The following FAM168A variants were observed in gnomAD, a reference collection of about 807,000 sequenced individuals.
FAM168A encodes the protein family with sequence similarity 168 member A.
Under a neutral mutation model 28.5 loss-of-function variants are expected in FAM168A, and 3 were observed. The ratio of observed to expected loss-of-function variants is 0.11; its 90% CI spans 0.05 to 0.27. FAM168A has a LOEUF of 0.27. Ranked by LOEUF, FAM168A falls within the 10% of genes least tolerant of loss-of-function variation. FAM168A has a pLI of 1.00. For synonymous variants in FAM168A, 122 were observed against 124.2 expected (o/e 0.98, Z 0.12); for missense variants, 222 against 311.5 (o/e 0.71, Z 2.16).
intron 1 of FAM168A, among the ~76,000 whole-genome samples, chr11:73,571,305 G>A (rs1944086019): frequency 7.0e-6 from 1 of 141,962 alleles, no homozygotes; most frequent in African/African-American, 2.6e-5. Context: ...AGCCGAAGCT[G>A]GACTGTACTG....
intron 1 of FAM168A, chr11:73,510,599 G>A (rs914499531): frequency 3.8e-6 from 1 of 263,452 alleles, no homozygotes; most frequent in African/African-American, 2.2e-5. Flanking sequence ...TCTCAGCTTT[G>A]ATATTCTGTG....
intron 2 of FAM168A, among the ~76,000 whole-genome samples, chr11:73,467,314 T>C (rs747056573): frequency 2.0e-5 from 3 of 151,306 alleles, no homozygotes; most frequent in Non-Finnish European, 4.4e-5. Flanking sequence ...TAGTATGAAA[T>C]AGATAATATT....
At chr11:73,453,603 C>G (rs562203252) in intron 2 of FAM168A, among the ~76,000 whole-genome samples, 1 of 152,124 alleles carries the variant, frequency 6.6e-6, no homozygotes, top group Non-Finnish European at 1.5e-5. Context: ...TAAAGTCTCA[C>G]GAATAAGTGA....
intron 3 of FAM168A, among the ~76,000 whole-genome samples, chr11:73,421,365 T>G (rs1418757236): frequency 6.6e-6 from 1 of 152,204 alleles, no homozygotes; most frequent in African/African-American, 2.4e-5. Context: ...AAGGCTAGAA[T>G]TATGGCTATT....
rs540717298 is a variant in FAM168A, at chr11:73,441,873, G to A, written c.71-11103C>T. On this transcript the variant is annotated intron_variant, in intron 2 of 7. Transcript: ENST00000356467. ...TAGTAATGTCCTCTGTATCATTCTT[G>A]ATTTTAGTAATTGGAGACTTCTCTC... Among the ~76,000 whole-genome samples the A allele has an allele frequency of 5.3e-5, 8 of 152,182 alleles. No homozygotes were observed. In the East Asian group the frequency reaches 1.5e-3, roughly 29 times the overall value.
At chr11:73,544,817 A>AATT (rs1565291479) in intron 1 of FAM168A, among the ~76,000 whole-genome samples, 17 of 101,122 alleles carry the variant, frequency 1.7e-4, no homozygotes, top group African/African-American at 7.4e-4. Context: ...TATCATATAT[A>AATT]ATAAATTTAT....
rs139671937 is a variant in FAM168A at position 73,546,102 on chromosome 11, T to C, written c.-19+51821A>G. Among the ~76,000 whole-genome samples, 7 of 152,326 alleles carry C rather than the reference T, an allele frequency of 4.6e-5. No individual in the cohort carries two copies. The East Asian group carries it at 1.3e-3, about 29-fold the overall frequency. ...GCTGTAGTTCTTTTTTTATAAAAGC[T>C]TCTATGGATTAATAAACCAAAGACT... is the stretch of plus-strand genomic sequence containing the variant. On this transcript the variant is annotated intron_variant, in intron 1 of 7. Coordinates refer to ENST00000356467, the MANE Select transcript of FAM168A (RefSeq NM_015159.3).
chr11:73,446,530 G>A (rs1378630583), intron 2 of FAM168A, among the ~76,000 whole-genome samples: 2 of 152,286 alleles, frequency 1.3e-5, no homozygotes, highest in East Asian at 1.9e-4. Flanking sequence ...TCTGGCCTCA[G>A]TACCCCCAAG....
At chr11:73,450,075 A>C (rs948819384) in intron 2 of FAM168A, among the ~76,000 whole-genome samples, 2 of 152,240 alleles carry the variant, frequency 1.3e-5, no homozygotes, top group African/African-American at 2.4e-5. Flanking sequence ...AAAATGTGCA[A>C]GGGAAAAGAA....
chr11:73,466,095 G>A (rs1300755931), intron 2 of FAM168A, among the ~76,000 whole-genome samples: 1 of 152,094 alleles, frequency 6.6e-6, no homozygotes, highest in African/African-American at 2.4e-5. Context: ...AACCAGGAGT[G>A]TTTCCAACTC....
chr11:73,543,360 T>C (rs1300471302), intron 1 of FAM168A, among the ~76,000 whole-genome samples: 1 of 148,734 alleles, frequency 6.7e-6, no homozygotes, highest in Non-Finnish European at 1.5e-5. Flanking sequence ...GCCTCCCAGG[T>C]TCAAGCAATT....
chr11:73,407,869 C>T (rs1362644571), intron 6 of FAM168A, among the ~76,000 whole-genome samples: 3 of 152,122 alleles, frequency 2.0e-5, no homozygotes, highest in Non-Finnish European at 4.4e-5. Context: ...TATTCTAAGT[C>T]CTCCTTTTCC....
chr11:73,485,710 T>C (rs1868044233), intron 1 of FAM168A, among the ~76,000 whole-genome samples: 1 of 152,202 alleles, frequency 6.6e-6, no homozygotes, highest in Non-Finnish European at 1.5e-5. Context: ...ACCATAGGTA[T>C]ACAGAATGTA....
intron 1 of FAM168A, among the ~76,000 whole-genome samples, chr11:73,470,312 T>C (rs569788591): frequency 1.3e-5 from 2 of 152,330 alleles, no homozygotes; most frequent in South Asian, 2.1e-4. Context: ...ACACAGAGAC[T>C]ACTTGTACTC....
chr11:73,468,383 G>T lies in FAM168A; in HGVS notation c.70+22C>A, dbSNP rs1378286224. On this transcript the variant is annotated intron_variant, in intron 2 of 7. Transcript: ENST00000356467. ...CCTTAACCACCATTTCTCAAAATGA[G>T]AGCCATTCTCACACTACTCACCCGT... 3.7e-6 allele frequency: 6 copies of T among 1,610,532 alleles called. No individual in the cohort carries two copies. In the African/African-American group the frequency reaches 6.7e-5, roughly 18 times the overall value.
intron 1 of FAM168A, among the ~76,000 whole-genome samples, chr11:73,522,716 T>A (rs976158319): frequency 6.7e-6 from 1 of 149,154 alleles, no homozygotes; most frequent in African/African-American, 2.5e-5. Flanking sequence ...TAACAGCCAA[T>A]ATAAAAGACA....
chr11:73,502,101 G>GAAA (rs374810262), intron 1 of FAM168A, among the ~76,000 whole-genome samples: 1 of 56,524 alleles, frequency 1.8e-5, no homozygotes, highest in Non-Finnish European at 3.4e-5. Context: ...GCTTTGTCTC[G>GAAA]AAAAAAAAAA....
At chr11:73,499,784 A>G (rs1854968789) in intron 1 of FAM168A, among the ~76,000 whole-genome samples, 1 of 150,660 alleles carries the variant, frequency 6.6e-6, no homozygotes, top group Admixed American at 6.6e-5. Context: ...CAGAGTTTGA[A>G]GACCACTTTA....
chr11:73,533,230 A>G (rs1033553536), intron 1 of FAM168A, among the ~76,000 whole-genome samples: 3 of 152,222 alleles, frequency 2.0e-5, no homozygotes, highest in Non-Finnish European at 2.9e-5. Context: ...GCTTTAAAAA[A>G]TGAGATAATA....
Sources: allele counts gnomAD v4.1 joint callset (sites outside exome capture counted in the v4.1 genomes callset), GRCh38; gene constraint gnomAD v4.1.1; transcripts MANE v1.5; gene names NCBI Gene and HGNC (gene_info 2026-07-23, HGNC 2026-07-21).